The following TRPS1 variants were observed in gnomAD, a reference collection of about 807,000 sequenced individuals.
TRPS1 encodes zinc finger transcription factor Trps1.
In TRPS1, 6 loss-of-function variants were observed where a neutral mutation model predicts 101.2. The observed-to-expected ratio is 0.06, with a 90% CI of 0.03 to 0.12. The LOEUF (loss-of-function observed/expected upper bound fraction) is 0.12. Ranked by LOEUF, TRPS1 falls within the 10% of genes least tolerant of loss-of-function variation. The pLI, the probability that TRPS1 is intolerant of heterozygous loss-of-function variation, is 1.00. For synonymous variants in TRPS1, 578 were observed against 589.8 expected (o/e 0.98, Z 0.29); for missense variants, 1,363 against 1,567.0 (o/e 0.87, Z 2.20).
At chr8:115,421,308 T>C (rs530286191) in intron 5 of TRPS1, among the ~76,000 whole-genome samples, 4 of 152,272 alleles carry the variant, frequency 2.6e-5, no homozygotes, top group South Asian at 4.1e-4. Flanking sequence ...TGTAGATTAA[T>C]AGATGCAATT....
intron 5 of TRPS1, among the ~76,000 whole-genome samples, chr8:115,475,732 G>A (rs1022982598): frequency 2.6e-5 from 4 of 152,060 alleles, no homozygotes; most frequent in African/African-American, 7.3e-5. Flanking sequence ...TGTAATGAAT[G>A]CATATTGAAG....
At chr8:115,611,898 C>T (rs16887566) in intron 3 of TRPS1, among the ~76,000 whole-genome samples, 8,361 of 152,152 alleles carry the variant, frequency 0.055, 794 homozygotes, top group African/African-American at 0.19. Context: ...GAGATTTAAT[C>T]TGGAAAGTTA....
intron 5 of TRPS1, among the ~76,000 whole-genome samples, chr8:115,432,703 CTAGTGCAGGATAAAAATG>C (rs1813351799): frequency 6.6e-6 from 1 of 151,768 alleles, no homozygotes; most frequent in Admixed American, 6.6e-5. Flanking sequence ...GTTAGTCAAT[CTAGTGCAGGATAAAAATG>C]TAGTGCAGGA....
intron 5 of TRPS1, among the ~76,000 whole-genome samples, chr8:115,510,039 G>C (rs1815543679): frequency 6.6e-6 from 1 of 151,866 alleles, no homozygotes; most frequent in Admixed American, 6.6e-5. Context: ...CAATTTCTTA[G>C]CTTTGTATTC....
chr8:115,481,799 C>T (rs1224005101), intron 5 of TRPS1, among the ~76,000 whole-genome samples: 1 of 152,148 alleles, frequency 6.6e-6, no homozygotes, highest in Non-Finnish European at 1.5e-5. Flanking sequence ...CTTGGTATAA[C>T]TCAAATACCA....
intron 1 of TRPS1, among the ~76,000 whole-genome samples, chr8:115,654,337 A>G (rs1284782462): frequency 6.6e-6 from 1 of 152,186 alleles, no homozygotes; most frequent in African/African-American, 2.4e-5. Context: ...ATTCATAAGG[A>G]AAGTATTTAA....
intron 5 of TRPS1, among the ~76,000 whole-genome samples, chr8:115,539,923 T>A (rs1248873177): frequency 6.6e-6 from 1 of 152,216 alleles, no homozygotes; most frequent in Non-Finnish European, 1.5e-5. Flanking sequence ...TCATCGAGAA[T>A]CTGAAAGCCT....
chr8:115,509,080 T>C (rs1245368820), intron 5 of TRPS1, among the ~76,000 whole-genome samples: 1 of 152,042 alleles, frequency 6.6e-6, no homozygotes, highest in East Asian at 1.9e-4. Context: ...TGTGGCTCCT[T>C]ATACTGTATT....
Position 115,410,537 on chromosome 8 carries a change from T to G in TRPS1, c.*3486A>C, listed in dbSNP as rs1274780064. On this transcript the variant is annotated 3_prime_UTR_variant, in exon 7 of 7. Coordinates refer to ENST00000395715, the MANE Select transcript of TRPS1 (RefSeq NM_014112.5). ...GAGAATTGGGCATACTCTTTTCCTT[T>G]TGAACTACAGAGTTATCAATTAGAG... 5 of 152,492 alleles carry G rather than the reference T, an allele frequency of 3.3e-5. No individual in the cohort carries two copies. The highest frequency in any genetic ancestry group is 1.3e-4 in the Admixed American group (2 of 15,240). 9.4% of individuals were successfully genotyped at this position (152,492 alleles called of 1,614,324 possible). A position where few individuals can be genotyped will look rare whatever the true frequency, so the allele number is the denominator to read the frequency against.
In TRPS1 at chr8:115,477,380, C is replaced by A. The variant is rs151223518; in HGVS notation, c.2701-58928G>T. Among the ~76,000 whole-genome samples the A allele has an allele frequency of 2.0e-3, 300 of 152,336 alleles. 1 individual carries two copies. The highest frequency in any genetic ancestry group is 3.5e-3 in the Non-Finnish European group (237 of 68,026). On this transcript the variant is annotated intron_variant, in intron 5 of 6. Transcript: ENST00000395715. The stretch of plus-strand genomic sequence containing the variant: ...GGATACATGCACCATTAGCTCTGGA[C>A]TAGCAGGGTTCCTTCACAACTGGTA...
intron 5 of TRPS1, among the ~76,000 whole-genome samples, chr8:115,498,404 T>TCC (rs1815210665): frequency 1.2e-5 from 1 of 85,096 alleles, no homozygotes; most frequent in Non-Finnish European, 2.1e-5. Context: ...TCTCTCTCTC[T>TCC]CTCTCTCTCT....
At chr8:115,486,219 T>G (rs997639334) in intron 5 of TRPS1, among the ~76,000 whole-genome samples, 3 of 152,172 alleles carry the variant, frequency 2.0e-5, no homozygotes, top group African/African-American at 7.2e-5. Context: ...TCTGTGATCT[T>G]TGATGTTACT....
Position 115,572,037 on chromosome 8 carries a change from A to C in TRPS1, c.2700+14964T>G, listed in dbSNP as rs1001844298. On this transcript the variant is annotated intron_variant, in intron 5 of 6. Transcript: ENST00000395715. Reference sequence around the variant, plus strand: ...AATTAAACAATTAAATTTTTATTTTAGACTTTGATTTAAATACCCACCTTC... The same window carrying C: ...AATTAAACAATTAAATTTTTATTTTCGACTTTGATTTAAATACCCACCTTC... 2.6e-5 allele frequency among the ~76,000 whole-genome samples: 4 copies of C among 152,272 alleles called. No homozygotes were observed. In the East Asian group the frequency reaches 7.7e-4, roughly 29 times the overall value.
intron 5 of TRPS1, chr8:115,511,237 A>G (rs1376641202): frequency 6.6e-6 from 1 of 151,906 alleles, no homozygotes; most frequent in Non-Finnish European, 1.5e-5. Context: ...TAAATTTTCT[A>G]CATTACTAGA....
chr8:115,503,653 A>G (rs966792744), intron 5 of TRPS1, among the ~76,000 whole-genome samples: 1 of 152,220 alleles, frequency 6.6e-6, no homozygotes, highest in African/African-American at 2.4e-5. Flanking sequence ...AAAAATTATA[A>G]TGAATGTTTA....
At position 115,457,098 on chromosome 8, in the gene TRPS1, T is replaced by C. The variant is rs188069650; in HGVS notation, c.2701-38646A>G. ...GATGTGGTTTAGAAAAAAGAATGCA[T>C]AAAATATAATTATCCTATCAGAGCC... is the stretch of plus-strand genomic sequence containing the variant. On this transcript the variant is annotated intron_variant, in intron 5 of 6. Transcript: ENST00000395715. 3.9e-4 allele frequency among the ~76,000 whole-genome samples: 59 copies of C among 152,132 alleles called. 1 individual carries two copies. In the East Asian group the frequency reaches 7.3e-3, roughly 19 times the overall value.
At chr8:115,493,515 AATTTTGTAT>A (rs1437926795) in intron 5 of TRPS1, among the ~76,000 whole-genome samples, 4 of 151,606 alleles carry the variant, frequency 2.6e-5, no homozygotes, top group Non-Finnish European at 4.4e-5. Flanking sequence ...ACGCCCAGCT[AATTTTGTAT>A]TTTTAGTAGA....
intron 5 of TRPS1, among the ~76,000 whole-genome samples, chr8:115,519,349 T>C (rs1260328763): frequency 2.0e-5 from 3 of 151,674 alleles, no homozygotes; most frequent in Non-Finnish European, 4.4e-5. Flanking sequence ...TCTTTTAAAC[T>C]TAAATTTTTA....
rs1298795871 is a variant in TRPS1 at position 115,448,968 on chromosome 8, A to G, written c.2701-30516T>C. ...TGATTCAACGTAACTGTCAATACAGACCCCTTTGCTGTAGGAAAAACACTT... is the reference window on the plus strand; with the variant it reads ...TGATTCAACGTAACTGTCAATACAGGCCCCTTTGCTGTAGGAAAAACACTT... On this transcript the variant is annotated intron_variant, in intron 5 of 6. Transcript: ENST00000395715. Among the ~76,000 whole-genome samples the G allele has an allele frequency of 4.6e-5, 7 of 152,170 alleles. No homozygotes were observed. In the South Asian group the frequency reaches 6.2e-4, roughly 13 times the overall value.
Sources: allele counts gnomAD v4.1 joint callset (sites outside exome capture counted in the v4.1 genomes callset), GRCh38; gene constraint gnomAD v4.1.1; transcripts MANE v1.5; gene names NCBI Gene and HGNC (gene_info 2026-07-23, HGNC 2026-07-21).